SLCO1B3: variants seen among roughly 807,000 people sequenced by gnomAD.
SLCO1B3 encodes the protein liver-specific organic anion transporter 2.
Under a neutral mutation model 71.8 loss-of-function variants are expected in SLCO1B3, and 72 were observed. That is an observed-to-expected ratio of 1.00 (90% CI 0.83 to 1.22). The LOEUF (loss-of-function observed/expected upper bound fraction) is 1.22. SLCO1B3 is among the 50% of genes most tolerant of loss of function. The pLI is 0.00. For synonymous variants in SLCO1B3, 298 were observed against 278.4 expected (o/e 1.07, Z -0.70); for missense variants, 911 against 819.7 (o/e 1.11, Z -1.36).
intron 2 of SLCO1B3, among the ~76,000 whole-genome samples, chr12:20,815,131 C>G (rs185406894): frequency 6.6e-6 from 1 of 151,920 alleles, no homozygotes; most frequent in Non-Finnish European, 1.5e-5. Flanking sequence ...ATATTTTGCT[C>G]TTTTAAACAA....
At chr12:20,879,235 G>C (rs1591777153) in intron 10 of SLCO1B3, among the ~76,000 whole-genome samples, 1 of 123,142 alleles carries the variant, frequency 8.1e-6, no homozygotes, top group East Asian at 2.3e-4. Flanking sequence ...TTGAGATGGA[G>C]TCTCGCTCTG....
At chr12:20,821,459 A>T (rs1169603757) in intron 3 of SLCO1B3, among the ~76,000 whole-genome samples, 5 of 152,134 alleles carry the variant, frequency 3.3e-5, no homozygotes, top group East Asian at 1.9e-4. Flanking sequence ...GGTGGAAGCT[A>T]GTCCATAGTG....
intron 7 of SLCO1B3, 48 bp downstream of exon 7, chr12:20,862,606 A>G (rs897844629): frequency 6.6e-7 from 1 of 1,525,690 alleles, no homozygotes; most frequent in Non-Finnish European, 8.9e-7. Flanking sequence ...CCCTGGATCT[A>G]CCCTTGAAAT....
At chr12:20,881,517 A>G (rs1010527554) in intron 12 of SLCO1B3, among the ~76,000 whole-genome samples, 2 of 152,150 alleles carry the variant, frequency 1.3e-5, no homozygotes, top group Non-Finnish European at 2.9e-5. Flanking sequence ...TTTCCAAGAA[A>G]TGAGTCAAGT....
chr12:20,855,549 A>G (rs1025221913), intron 4 of SLCO1B3, among the ~76,000 whole-genome samples: 5 of 152,220 alleles, frequency 3.3e-5, no homozygotes, highest in African/African-American at 9.6e-5. Flanking sequence ...GTGTGAAGAA[A>G]GGTTGAGGGA....
At chr12:20,878,874 AAG>A (rs1454522741) in intron 10 of SLCO1B3, among the ~76,000 whole-genome samples, 2 of 146,144 alleles carry the variant, frequency 1.4e-5, no homozygotes, top group African/African-American at 2.5e-5. Flanking sequence ...ATGAATAATA[AAG>A]AGATATTAAT....
Position 20,875,184 on chromosome 12 carries a change from A to G in SLCO1B3, c.728-51A>G, listed in dbSNP as rs781780437. The G allele has an allele frequency of 7.5e-6, 12 of 1,598,416 alleles. No homozygotes were observed. In the African/African-American group the frequency reaches 9.4e-5, roughly 13 times the overall value. On this transcript the variant is annotated intron_variant, in intron 8 of 15. Transcript: ENST00000381545. Reference sequence around the variant, plus strand: ...TCATTATCATTATTTCCCAGAACCTACTGTATTTCAAAACGATTTTTGACT... The same window carrying G: ...TCATTATCATTATTTCCCAGAACCTGCTGTATTTCAAAACGATTTTTGACT...
At chr12:20,840,994 A>G (rs936793677) in intron 3 of SLCO1B3, among the ~76,000 whole-genome samples, 2 of 152,198 alleles carry the variant, frequency 1.3e-5, no homozygotes, top group Admixed American at 6.5e-5. Flanking sequence ...AATCATCAAA[A>G]AAGGGGGTCC....
chr12:20,856,783 C>G (rs754884728), intron 4 of SLCO1B3, among the ~76,000 whole-genome samples: 6 of 152,170 alleles, frequency 3.9e-5, no homozygotes, highest in Non-Finnish European at 5.9e-5. Context: ...TGATCTCAAA[C>G]TCCTAGCCTC....
At chr12:20,856,395 T>C (rs548945487) in intron 4 of SLCO1B3, among the ~76,000 whole-genome samples, 2 of 152,150 alleles carry the variant, frequency 1.3e-5, no homozygotes, top group Admixed American at 6.5e-5. Flanking sequence ...ATATAAAACT[T>C]AAAAATGGCC....
At chr12:20,881,439 A>G (rs903967645) in intron 12 of SLCO1B3, among the ~76,000 whole-genome samples, 4 of 152,168 alleles carry the variant, frequency 2.6e-5, no homozygotes, top group Admixed American at 6.5e-5. Context: ...TACGAGAACA[A>G]TAATCTATTT....
chr12:20,865,959 G>C (rs1395467226), intron 8 of SLCO1B3, among the ~76,000 whole-genome samples: 1 of 152,028 alleles, frequency 6.6e-6, no homozygotes, highest in Non-Finnish European at 1.5e-5. Context: ...CAAGTGTTGA[G>C]AGTATTTATT....
At chr12:20,812,208 A>C (rs1276853358) in intron 1 of SLCO1B3, among the ~76,000 whole-genome samples, 5 of 152,098 alleles carry the variant, frequency 3.3e-5, no homozygotes, top group Non-Finnish European at 7.4e-5. Context: ...CTCCCGGCCT[A>C]CTTGATACAA....
intron 13 of SLCO1B3, among the ~76,000 whole-genome samples, chr12:20,890,773 G>T (rs1565604136): frequency 6.6e-6 from 1 of 152,048 alleles, no homozygotes. Flanking sequence ...AACCTTCTTT[G>T]TCATTATTTA....
intron 15 of SLCO1B3, among the ~76,000 whole-genome samples, chr12:20,907,754 C>T (rs1866283213): frequency 1.3e-5 from 2 of 152,004 alleles, no homozygotes; most frequent in Non-Finnish European, 2.9e-5. Context: ...GGTGGCCCGC[C>T]CACCTCAGTC....
intron 13 of SLCO1B3, among the ~76,000 whole-genome samples, chr12:20,890,697 C>T (rs1380704135): frequency 2.0e-5 from 3 of 152,110 alleles, no homozygotes; most frequent in African/African-American, 7.2e-5. Context: ...AATTGGGGTG[C>T]TCCAATGTTG....
At chr12:20,868,019 C>T (rs957582881) in intron 8 of SLCO1B3, among the ~76,000 whole-genome samples, 3 of 152,148 alleles carry the variant, frequency 2.0e-5, no homozygotes, top group South Asian at 4.1e-4. Context: ...TGATGACCCA[C>T]TTCCACTTAA....
chr12:20,885,067 G>T (rs568703441), intron 13 of SLCO1B3, among the ~76,000 whole-genome samples: 30 of 152,132 alleles, frequency 2.0e-4, no homozygotes, highest in African/African-American at 7.0e-4. Flanking sequence ...CTTTTCATGA[G>T]AAAAGGAGAG....
rs186433832 is a variant in SLCO1B3, at chr12:20,908,807, G to A, written c.1866-7197G>A. On this transcript the variant is annotated intron_variant, in intron 15 of 15. Coordinates refer to ENST00000381545, the MANE Select transcript of SLCO1B3 (RefSeq NM_019844.4). ...CTACTGAAGGACATCTTGATTGCTTGCAGGTTTGGGCAATTATAAATAAAA... is the reference window on the plus strand; with the variant it reads ...CTACTGAAGGACATCTTGATTGCTTACAGGTTTGGGCAATTATAAATAAAA... Among the ~76,000 whole-genome samples the A allele has an allele frequency of 2.6e-5, 4 of 152,278 alleles. No homozygotes were observed. In the East Asian group the frequency reaches 7.7e-4, roughly 29 times the overall value.
Sources: gnomAD v4.1 joint callset for allele counts (sites outside exome capture counted in the v4.1 genomes callset) on GRCh38, gnomAD v4.1.1 for gene constraint, MANE v1.5 for transcripts, NCBI Gene and HGNC (gene_info 2026-07-23, HGNC 2026-07-21) for gene names.